Variants in HIPK3 observed in about 807,000 individuals in gnomAD.
HIPK3 encodes homeodomain-interacting protein kinase 3.
In HIPK3, 47 loss-of-function variants were observed where a neutral mutation model predicts 124.2. The ratio of observed to expected loss-of-function variants is 0.38; its 90% CI spans 0.30 to 0.48. The LOEUF (loss-of-function observed/expected upper bound fraction) is 0.48. Ranked by LOEUF, HIPK3 falls within the 20% of genes least tolerant of loss-of-function variation. The pLI, the probability that HIPK3 is intolerant of heterozygous loss-of-function variation, is 0.98. For synonymous variants in HIPK3, 482 were observed against 515.2 expected, an observed-to-expected ratio of 0.94 and a Z score of 0.87; for missense variants, 1,286 against 1,454.3, an observed-to-expected ratio of 0.88 and a Z score of 1.88.
intron 1 of HIPK3, among the ~76,000 whole-genome samples, chr11:33,260,131 T>A (rs1850784113): frequency 6.6e-6 from 1 of 152,214 alleles, no homozygotes; most frequent in Admixed American, 6.5e-5. Context: ...ATGAGATACT[T>A]CTTCTTGTAA....
At chr11:33,267,226 G>A (rs1183642450) in intron 1 of HIPK3, among the ~76,000 whole-genome samples, 4 of 148,668 alleles carry the variant, frequency 2.7e-5, no homozygotes. Flanking sequence ...GGGTTCAAGC[G>A]ATTCTCCTGC....
Position 33,341,605 on chromosome 11 carries a change from C to G in HIPK3, c.1816C>G (p.Pro606Ala). 1.9e-6 allele frequency: 3 copies of G among 1,613,818 alleles called. No individual in the cohort carries two copies. Among genetic ancestry groups the G allele is most frequent in the Non-Finnish European group, 2.5e-6 (3 of 1,179,836 alleles). ...TCATTCAGTTGTGCACCATGGAATACCTCTGCAGGCAGGAACTGCTCAGTT... is the reference window on the plus strand; with the variant it reads ...TCATTCAGTTGTGCACCATGGAATAGCTCTGCAGGCAGGAACTGCTCAGTT... ...SAHSVVHHGIPLQAGTAQFGC... is the reference protein window; with the variant it reads ...SAHSVVHHGIALQAGTAQFGC... The change falls in exon 8 of 17, where the codon CCT (proline) becomes GCT (alanine). Residue 606 changes from proline to alanine, a missense_variant. By Grantham distance (27) the Pro-to-Ala change is conservative. Coordinates refer to ENST00000303296, the MANE Select transcript of HIPK3 (RefSeq NM_005734.5).
intron 3 of HIPK3, among the ~76,000 whole-genome samples, chr11:33,334,418 A>G (rs1017211454): frequency 6.6e-6 from 1 of 152,060 alleles, no homozygotes; most frequent in African/African-American, 2.4e-5. Flanking sequence ...GGAAAGAGAA[A>G]CTGGCCCATG....
intron 1 of HIPK3, among the ~76,000 whole-genome samples, chr11:33,270,948 A>T (rs2133875328): frequency 6.6e-6 from 1 of 152,342 alleles, no homozygotes; most frequent in African/African-American, 2.4e-5. Flanking sequence ...ATTTTATAGT[A>T]ATTGAATAAC....
chr11:33,321,400 A>C (rs1852658955), intron 2 of HIPK3, among the ~76,000 whole-genome samples: 1 of 152,172 alleles, frequency 6.6e-6, no homozygotes, highest in Non-Finnish European at 1.5e-5. Context: ...GAGGATATAT[A>C]ATCAAGAGTT....
chr11:33,326,511 A>AT (rs1852815853), intron 2 of HIPK3, among the ~76,000 whole-genome samples: 1 of 152,236 alleles, frequency 6.6e-6, no homozygotes, highest in Admixed American at 6.5e-5. Flanking sequence ...ACGAAAAGAT[A>AT]CCAGAGATCC....
intron 2 of HIPK3, among the ~76,000 whole-genome samples, chr11:33,294,949 TATATC>T (rs1405106774): frequency 6.6e-6 from 1 of 152,190 alleles, no homozygotes; most frequent in Non-Finnish European, 1.5e-5. Flanking sequence ...AATCTGGTGA[TATATC>T]ATAATGATGT....
chr11:33,325,826 C>CT (rs138375216), intron 2 of HIPK3, among the ~76,000 whole-genome samples: 2,127 of 152,232 alleles, frequency 0.014, 54 homozygotes, highest in African/African-American at 0.048. Flanking sequence ...GTGCAGCTTC[C>CT]TTTTTTTATC....
chr11:33,278,791 C>T (rs1291490802), intron 1 of HIPK3, among the ~76,000 whole-genome samples: 6 of 151,538 alleles, frequency 4.0e-5, no homozygotes, highest in Non-Finnish European at 2.9e-5. Flanking sequence ...TTGCAGTGAG[C>T]AGAGATCGTG....
intron 3 of HIPK3, among the ~76,000 whole-genome samples, chr11:33,331,188 T>C (rs537765156): frequency 3.7e-4 from 56 of 151,754 alleles, no homozygotes; most frequent in Non-Finnish European, 7.4e-4. Context: ...TGGCCACATA[T>C]GTTTCTCAGA....
chr11:33,303,823 A>C (rs1461319011), intron 2 of HIPK3, among the ~76,000 whole-genome samples: 1 of 152,232 alleles, frequency 6.6e-6, no homozygotes, highest in Admixed American at 6.5e-5. Flanking sequence ...ATATGTGCTA[A>C]ACTTTGACAT....
Position 33,356,081 on chromosome 11 carries a change from A to G in HIPK3, c.*2513A>G, listed in dbSNP as rs962047827. On this transcript the variant is annotated 3_prime_UTR_variant, in exon 17 of 17. Coordinates refer to ENST00000303296, the MANE Select transcript of HIPK3 (RefSeq NM_005734.5). The stretch of plus-strand genomic sequence containing the variant: ...AAGGATTGATTGTATCACAACAGGT[A>G]CAAAACTGACAGAGTTTTCTTTTTG... The G allele has an allele frequency of 1.3e-5, 2 of 152,054 alleles. No individual in the cohort carries two copies. Among genetic ancestry groups the G allele is most frequent in the African/African-American group, 4.8e-5 (2 of 41,448 alleles). 9.4% of individuals were successfully genotyped at this position (152,054 alleles called of 1,614,324 possible).
At chr11:33,266,199 G>A (rs1436934940) in intron 1 of HIPK3, among the ~76,000 whole-genome samples, 5 of 151,780 alleles carry the variant, frequency 3.3e-5, no homozygotes, top group Non-Finnish European at 5.9e-5. Context: ...AGTGAAATTA[G>A]CTGAATACTG....
rs79613234 is a variant in HIPK3 at position 33,298,645 on chromosome 11, G to A, written c.1097+11134G>A. On this transcript the variant is annotated intron_variant, in intron 2 of 16. Transcript: ENST00000303296. ...TTCATGGCAGCATTAACAGGAATTT[G>A]GAAGAAGTTGATTCCAACCCTCATG... 4.4e-3 allele frequency among the ~76,000 whole-genome samples: 677 copies of A among 152,340 alleles called. 3 individuals carry two copies. The highest frequency in any genetic ancestry group is 7.1e-3 in the Admixed American group (108 of 15,302).
intron 1 of HIPK3, among the ~76,000 whole-genome samples, chr11:33,285,390 G>A (rs1447963805): frequency 1.3e-5 from 2 of 151,986 alleles, no homozygotes; most frequent in Admixed American, 1.3e-4. Flanking sequence ...TGAGAAGAAT[G>A]GGAACATGAA....
At chr11:33,335,973 G>A (rs1397575295) in intron 3 of HIPK3, among the ~76,000 whole-genome samples, 2 of 152,070 alleles carry the variant, frequency 1.3e-5, no homozygotes, top group South Asian at 2.1e-4. Flanking sequence ...TGGGCTCTGG[G>A]GGTATATAAG....
At position 33,286,399 on chromosome 11, in the gene HIPK3, T is replaced by C; in HGVS notation, c.-2-14T>C. 7.7e-7 allele frequency: 1 copy of C among 1,294,632 alleles called. No individual in the cohort carries two copies. Among genetic ancestry groups the C allele is most frequent in the African/African-American group, 1.5e-5 (1 of 65,902 alleles). 80.2% of individuals were successfully genotyped at this position (1,294,632 alleles called of 1,614,324 possible). ...TCCTTTTTTTTCTTTTCCTTTTTTT[T>C]TTTTTTTTTGCAGGTATGGCCTCAC... On this transcript the variant is annotated splice_polypyrimidine_tract_variant and intron_variant, in intron 1 of 16. Coordinates refer to ENST00000303296, the MANE Select transcript of HIPK3 (RefSeq NM_005734.5).
At chr11:33,295,277 G>C (rs1226696985) in intron 2 of HIPK3, among the ~76,000 whole-genome samples, 710 of 106,192 alleles carry the variant, frequency 6.7e-3, no homozygotes, top group South Asian at 0.014. Flanking sequence ...AGCCACCACC[G>C]CCCCCCCCCC....
chr11:33,324,180 C>T (rs1357945778), intron 2 of HIPK3, among the ~76,000 whole-genome samples: 1 of 152,142 alleles, frequency 6.6e-6, no homozygotes, highest in Non-Finnish European at 1.5e-5. Context: ...TAAGATGAAA[C>T]CAGTAAACTA....
Sources: gnomAD v4.1 joint callset for allele counts (sites outside exome capture counted in the v4.1 genomes callset) on GRCh38, gnomAD v4.1.1 for gene constraint, MANE v1.5 for transcripts, NCBI Gene and HGNC (gene_info 2026-07-23, HGNC 2026-07-21) for gene names.